GNA14: variants seen among roughly 807,000 people sequenced by gnomAD.
GNA14 encodes the protein guanine nucleotide-binding protein subunit alpha-14.
A neutral mutation model predicts 42.0 loss-of-function variants in GNA14; 50 were observed. That is an observed-to-expected ratio of 1.19 (90% CI 0.95 to 1.51). GNA14 has a LOEUF of 1.51. Among genes scored for constraint, GNA14 ranks in the 40% most tolerant of loss-of-function variants. The pLI is 0.00. For synonymous variants in GNA14, 173 were observed against 163.1 expected (o/e 1.06, Z -0.46); for missense variants, 473 against 446.2 (o/e 1.06, Z -0.54).
At chr9:77,495,643 T>C (rs1836857473) in intron 2 of GNA14, among the ~76,000 whole-genome samples, 1 of 152,234 alleles carries the variant, frequency 6.6e-6, no homozygotes, top group African/African-American at 2.4e-5. Context: ...ACAAAGGTTA[T>C]TGATTACATT....
At chr9:77,643,503 T>G (rs992217812) in intron 1 of GNA14, among the ~76,000 whole-genome samples, 2 of 152,162 alleles carry the variant, frequency 1.3e-5, no homozygotes, top group African/African-American at 4.8e-5. Context: ...CCTCCCAAAG[T>G]GCTGCGATTA....
chr9:77,578,735 T>C (rs1823168736), intron 1 of GNA14, among the ~76,000 whole-genome samples: 1 of 152,222 alleles, frequency 6.6e-6, no homozygotes, highest in African/African-American at 2.4e-5. Context: ...TATTGTAGTT[T>C]GGTTGAAACC....
intron 2 of GNA14, among the ~76,000 whole-genome samples, chr9:77,507,494 C>T (rs1286256686): frequency 2.0e-5 from 3 of 152,192 alleles, no homozygotes; most frequent in East Asian, 3.9e-4. Flanking sequence ...AAAATGTCAC[C>T]GTCAAAGCCA....
intron 1 of GNA14, among the ~76,000 whole-genome samples, chr9:77,624,122 T>C (rs968433838): frequency 2.6e-5 from 4 of 151,070 alleles, no homozygotes; most frequent in African/African-American, 7.3e-5. Flanking sequence ...GAGTAGAGGG[T>C]TTCCCCCTCA....
At chr9:77,606,358 A>G (rs1823646134) in intron 1 of GNA14, among the ~76,000 whole-genome samples, 1 of 152,178 alleles carries the variant, frequency 6.6e-6, no homozygotes, top group Non-Finnish European at 1.5e-5. Context: ...AAGTCAAGCA[A>G]CATTTCTCCC....
intron 1 of GNA14, among the ~76,000 whole-genome samples, chr9:77,640,594 A>T (rs1196975380): frequency 6.6e-6 from 1 of 152,182 alleles, no homozygotes; most frequent in Admixed American, 6.5e-5. Context: ...ATCTGCCCAC[A>T]GCTTAAGACT....
At chr9:77,455,390 G>A (rs190850567) in intron 2 of GNA14, among the ~76,000 whole-genome samples, 1 of 152,278 alleles carries the variant, frequency 6.6e-6, no homozygotes, top group East Asian at 1.9e-4. Context: ...CACTGATTAG[G>A]GACTTCATTA....
At chr9:77,464,385 G>GTT (rs1367497334) in intron 2 of GNA14, among the ~76,000 whole-genome samples, 3 of 149,306 alleles carry the variant, frequency 2.0e-5, no homozygotes, top group African/African-American at 7.7e-5. Context: ...GTGTGTGTGT[G>GTT]TGTGTGTTTA....
chr9:77,428,936 C>T lies in GNA14; in HGVS notation c.694G>A (p.Asp232Asn). The T allele has an allele frequency of 6.2e-7, 1 of 1,614,010 alleles. No homozygotes were observed. The highest frequency in any genetic ancestry group is 8.5e-7 in the Non-Finnish European group (1 of 1,179,930). ...IIFLVALSEY[D>N]QVLAECDNEN... ...TTGTCACACTCAGCCAGGACCTGGT[C>T]ATATTCACTCAGAGCAACCAAGAAA... Residue 232 changes from aspartate to asparagine, a missense_variant, in exon 5 of 7, where the codon GAC (aspartate) becomes AAC (asparagine). Coordinates refer to ENST00000341700, the MANE Select transcript of GNA14 (RefSeq NM_004297.4).
intron 2 of GNA14, among the ~76,000 whole-genome samples, chr9:77,446,491 G>A (rs2131700526): frequency 6.6e-6 from 1 of 152,302 alleles, no homozygotes; most frequent in East Asian, 1.9e-4. Context: ...CAGTGAGGTG[G>A]ACCCGTGTAA....
chr9:77,439,599 C>CTGAGTGAAAGA (rs1835695789), intron 2 of GNA14, among the ~76,000 whole-genome samples: 2 of 152,148 alleles, frequency 1.3e-5, no homozygotes, highest in East Asian at 1.9e-4. Flanking sequence ...ATCGTGCCAC[C>CTGAGTGAAAGA]GCACTTCGGC....
chr9:77,544,352 G>T lies in GNA14; in HGVS notation c.125-15099C>A, dbSNP rs1010123634. On this transcript the variant is annotated intron_variant, in intron 1 of 6. Transcript: ENST00000341700. ...AAAAATCTCTTCAAATAAACTCTGT[G>T]GCTTGTAGATAAAATATTAGTGATT... Among the ~76,000 whole-genome samples, 5 of 152,232 alleles carry T rather than the reference G, an allele frequency of 3.3e-5. No individual in the cohort carries two copies. In the East Asian group the frequency reaches 9.7e-4, roughly 29 times the overall value.
At chr9:77,516,426 A>C (rs372306500) in intron 2 of GNA14, among the ~76,000 whole-genome samples, 26 of 152,106 alleles carry the variant, frequency 1.7e-4, no homozygotes, top group African/African-American at 5.6e-4. Flanking sequence ...GGGTGTTCAT[A>C]ATCAAAGTAA....
chr9:77,513,584 C>T (rs1002597836), intron 2 of GNA14, among the ~76,000 whole-genome samples: 5 of 152,228 alleles, frequency 3.3e-5, no homozygotes, highest in Admixed American at 2.0e-4. Context: ...GTCTATGACA[C>T]AGGGGACACA....
intron 2 of GNA14, among the ~76,000 whole-genome samples, chr9:77,474,966 C>T (rs958780786): frequency 6.7e-6 from 1 of 149,762 alleles, no homozygotes; most frequent in Non-Finnish European, 1.5e-5. Context: ...GAGACATAAA[C>T]CGGATTAGTT....
At chr9:77,542,046 G>T (rs1837667424) in intron 1 of GNA14, among the ~76,000 whole-genome samples, 1 of 152,002 alleles carries the variant, frequency 6.6e-6, no homozygotes, top group African/African-American at 2.4e-5. Context: ...CTCTTTGATT[G>T]GGATCTGTTT....
chr9:77,620,261 G>A (rs35496533), intron 1 of GNA14, among the ~76,000 whole-genome samples: 16,262 of 152,198 alleles, frequency 0.11, 1,087 homozygotes, highest in South Asian at 0.23. Flanking sequence ...CTGTGACTCT[G>A]TGACTTGTTG....
chr9:77,500,698 T>C (rs1836951998), intron 2 of GNA14, among the ~76,000 whole-genome samples: 1 of 152,216 alleles, frequency 6.6e-6, no homozygotes, highest in Admixed American at 6.5e-5. Flanking sequence ...TGAAATCATA[T>C]AGTATGTAAC....
chr9:77,614,439 A>G (rs1166438308), intron 1 of GNA14, among the ~76,000 whole-genome samples: 1 of 152,132 alleles, frequency 6.6e-6, no homozygotes, highest in Non-Finnish European at 1.5e-5. Flanking sequence ...TGTTTTCTCA[A>G]TAAATCCTGG....
Sources: allele counts gnomAD v4.1 joint callset (sites outside exome capture counted in the v4.1 genomes callset), GRCh38; gene constraint gnomAD v4.1.1; transcripts MANE v1.5; gene names NCBI Gene and HGNC (gene_info 2026-07-23, HGNC 2026-07-21).